Variants in AR observed in about 807,000 individuals in gnomAD.
AR encodes androgen receptor, also known as dihydrotestosterone receptor.
Under a neutral mutation model 53.9 loss-of-function variants are expected in AR, and 8 were observed. The ratio of observed to expected loss-of-function variants is 0.15; its 90% CI spans 0.09 to 0.27. The LOEUF (loss-of-function observed/expected upper bound fraction) is 0.27, where lower values mean the gene tolerates loss of function less well. Among genes scored for constraint, AR ranks in the 10% least tolerant of loss-of-function variants. The pLI is 1.00. For synonymous variants in AR, 359 were observed against 316.4 expected, an observed-to-expected ratio of 1.13 and a Z score of -1.43; for missense variants, 639 against 742.5, an observed-to-expected ratio of 0.86 and a Z score of 1.62.
At chrX:67,714,131 G>T (rs954702231) in intron 4 of AR, among the ~76,000 whole-genome samples, 1 of 111,703 alleles carries the variant, frequency 9.0e-6, no homozygotes, top group Non-Finnish European at 1.9e-5. Flanking sequence ...TTTGGAGTGG[G>T]TGAGTAGACT....
chrX:67,706,705 G>A (rs2076069529), intron 3 of AR, among the ~76,000 whole-genome samples: 1 of 111,102 alleles, frequency 9.0e-6, no homozygotes, highest in South Asian at 3.8e-4. Flanking sequence ...GAATGTGTTT[G>A]CTCTTCCTTC....
At chrX:67,609,225 G>C (rs1225937967) in intron 1 of AR, among the ~76,000 whole-genome samples, 1 of 110,650 alleles carries the variant, frequency 9.0e-6, no homozygotes, top group Non-Finnish European at 1.9e-5. Context: ...ATAGCTATTT[G>C]CTTTGGCTGA....
rs773170325 is a variant in AR, at chrX:67,546,412, C to A, written c.1266C>A (p.Pro422=). The change falls in exon 1 of 8, where the codon CCC becomes CCA. Residue 422 remains proline, a synonymous_variant. Coordinates refer to ENST00000374690, the MANE Select transcript of AR (RefSeq NM_000044.6). ...TGCATGGCGCGGGTGCAGCGGGACC[C>A]GGTTCTGGGTCACCCTCAGCCGCCG... The part of the protein sequence containing the change: ...ASLHGAGAAG[P]GSGSPSAAAS... 1 of 1,185,240 alleles carries A rather than the reference C, an allele frequency of 8.4e-7. No homozygotes were observed. The highest frequency in any genetic ancestry group is 1.8e-5 in the South Asian group (1 of 54,187).
intron 1 of AR, among the ~76,000 whole-genome samples, chrX:67,552,861 T>C (rs886123304): frequency 5.3e-5 from 6 of 112,308 alleles, no homozygotes; most frequent in African/African-American, 1.9e-4. Context: ...TCTATTTGGA[T>C]CCTTTGCTCA....
At chrX:67,614,721 T>C (rs894239649) in intron 1 of AR, among the ~76,000 whole-genome samples, 1 of 110,612 alleles carries the variant, frequency 9.0e-6, no homozygotes, top group African/African-American at 3.3e-5. Context: ...TATGAAAAAA[T>C]CAACAAAAAA....
intron 3 of AR, among the ~76,000 whole-genome samples, chrX:67,707,608 G>T (rs1013439399): frequency 8.9e-6 from 1 of 111,857 alleles, no homozygotes; most frequent in Non-Finnish European, 1.9e-5. Context: ...GCCAGTCTGT[G>T]TCTTTTAATT....
intron 2 of AR, among the ~76,000 whole-genome samples, chrX:67,673,970 T>C (rs1395201537): frequency 1.8e-5 from 2 of 111,158 alleles, no homozygotes; most frequent in African/African-American, 6.5e-5. Context: ...ATTTGGATGC[T>C]GTGATCTTAG....
intron 1 of AR, among the ~76,000 whole-genome samples, chrX:67,573,715 A>G (rs953477617): frequency 1.1e-4 from 12 of 111,855 alleles, no homozygotes; most frequent in African/African-American, 3.6e-4. Flanking sequence ...CTCATTGTAT[A>G]TAGGGTCTCT....
chrX:67,656,514 A>G (rs764544300), intron 2 of AR, among the ~76,000 whole-genome samples: 1 of 111,522 alleles, frequency 9.0e-6, no homozygotes, highest in Non-Finnish European at 1.9e-5. Flanking sequence ...AACAATAATA[A>G]TGGTGATGAT....
intron 2 of AR, among the ~76,000 whole-genome samples, chrX:67,676,631 G>C (rs112647501): frequency 1.9e-3 from 208 of 111,308 alleles, no homozygotes; most frequent in African/African-American, 6.3e-3. Flanking sequence ...CTTGCTCCAG[G>C]AGCAAGCCCT....
chrX:67,700,003 G>T, intron 3 of AR, among the ~76,000 whole-genome samples: 1 of 111,178 alleles, frequency 9.0e-6, no homozygotes, highest in Non-Finnish European at 1.9e-5. Flanking sequence ...GCTATAGATA[G>T]CTCCCACAGG....
intron 1 of AR, among the ~76,000 whole-genome samples, chrX:67,615,246 A>G (rs1924064782): frequency 9.0e-6 from 1 of 111,316 alleles, no homozygotes. Context: ...TAAAACTTCA[A>G]GCAGGAAAAT....
chrX:67,651,069 C>G (rs1351639026), intron 2 of AR, among the ~76,000 whole-genome samples: 3 of 108,484 alleles, frequency 2.8e-5, no homozygotes, highest in Non-Finnish European at 5.7e-5. Context: ...CGGAGTCTTG[C>G]TCTGTCTGTC....
At chrX:67,661,925 T>A (rs969215856) in intron 2 of AR, among the ~76,000 whole-genome samples, 2 of 111,900 alleles carry the variant, frequency 1.8e-5, no homozygotes, top group Admixed American at 1.9e-4. Context: ...CTTGGGATGG[T>A]GTATGTGTCG....
chrX:67,708,863 A>T (rs1350160528), intron 3 of AR, among the ~76,000 whole-genome samples: 2 of 112,139 alleles, frequency 1.8e-5, no homozygotes, highest in African/African-American at 3.2e-5. Context: ...TCTAACAGTC[A>T]GGACCCTCAG....
At chrX:67,583,638 T>C (rs1024649716) in intron 1 of AR, among the ~76,000 whole-genome samples, 3 of 111,942 alleles carry the variant, frequency 2.7e-5, no homozygotes, top group African/African-American at 9.7e-5. Flanking sequence ...TAGAGACTTA[T>C]TCAGATTCAA....
In AR at chrX:67,599,367, T is replaced by C. The variant is rs188016362; in HGVS notation, c.1617-43889T>C. Among the ~76,000 whole-genome samples, 74 of 112,188 alleles carry C rather than the reference T, an allele frequency of 6.6e-4. No homozygotes were observed. The East Asian group carries it at 0.019, about 29-fold the overall frequency. On this transcript the variant is annotated intron_variant, in intron 1 of 7. Coordinates refer to ENST00000374690, the MANE Select transcript of AR (RefSeq NM_000044.6). The stretch of plus-strand genomic sequence containing the variant: ...TGAGTTCACTACTAAAATCAGACTC[T>C]GAGAATGGGTTTGATTTAAATGGCT...
intron 1 of AR, among the ~76,000 whole-genome samples, chrX:67,593,632 G>A (rs1922943725): frequency 8.9e-6 from 1 of 112,033 alleles, no homozygotes; most frequent in Admixed American, 9.4e-5. Flanking sequence ...TTACAGGCGT[G>A]TGCCAGTATG....
At chrX:67,559,782 A>G (rs1343158818) in intron 1 of AR, among the ~76,000 whole-genome samples, 1 of 111,937 alleles carries the variant, frequency 8.9e-6, no homozygotes, top group Non-Finnish European at 1.9e-5. Context: ...CCAAGAGTTG[A>G]GAGTAAAGAT....
Sources: allele counts gnomAD v4.1 joint callset (sites outside exome capture counted in the v4.1 genomes callset), GRCh38; gene constraint gnomAD v4.1.1; transcripts MANE v1.5; gene names NCBI Gene and HGNC (gene_info 2026-07-23, HGNC 2026-07-21).